The following IGF2BP2 variants were observed in gnomAD, a reference collection of about 807,000 sequenced individuals.
IGF2BP2 encodes the protein insulin like growth factor 2 mRNA binding protein 2, also known as insulin-like growth factor 2 mRNA-binding protein 2.
A neutral mutation model predicts 75.8 loss-of-function variants in IGF2BP2; 17 were observed. That is an observed-to-expected ratio of 0.22 (90% confidence interval 0.15 to 0.34). The LOEUF is 0.34. IGF2BP2 is among the 10% of genes least tolerant of loss of function. The pLI, the probability that IGF2BP2 is intolerant of heterozygous loss-of-function variation, is 1.00. For missense variants in IGF2BP2, 516 were observed against 772.4 expected, an observed-to-expected ratio of 0.67 and a Z score of 3.93; for synonymous variants, 288 against 295.6, an observed-to-expected ratio of 0.97 and a Z score of 0.26.
chr3:185,717,385 C>T (rs933023296), intron 2 of IGF2BP2: 1 of 153,422 alleles, frequency 6.5e-6, no homozygotes, highest in African/African-American at 2.4e-5. Flanking sequence ...ACAGATGCCT[C>T]TTCCTCCCAT....
At chr3:185,654,889 T>C (rs376254322) in intron 12 of IGF2BP2, among the ~76,000 whole-genome samples, 1 of 152,198 alleles carries the variant, frequency 6.6e-6, no homozygotes, top group South Asian at 2.1e-4. Flanking sequence ...TTGGAGTGCA[T>C]CACCCAGATC....
intron 2 of IGF2BP2, among the ~76,000 whole-genome samples, chr3:185,789,574 T>C (rs1437761040): frequency 1.3e-5 from 2 of 151,918 alleles, no homozygotes; most frequent in African/African-American, 4.8e-5. Context: ...CGGAGCCACA[T>C]AGGGCACACA....
intron 12 of IGF2BP2, 76 bp from the exon 13 acceptor site, chr3:185,652,244 C>G (rs1714724983): frequency 8.0e-7 from 1 of 1,245,968 alleles, no homozygotes; most frequent in Admixed American, 2.1e-5. Flanking sequence ...AAGTGGACGG[C>G]AAGCATACCA....
intron 14 of IGF2BP2, among the ~76,000 whole-genome samples, chr3:185,649,034 T>C (rs1286851106): frequency 6.7e-6 from 1 of 150,340 alleles, no homozygotes; most frequent in Admixed American, 6.6e-5. Context: ...CCTTTCCAAT[T>C]TTAATGGCTG....
intron 2 of IGF2BP2, among the ~76,000 whole-genome samples, chr3:185,749,095 C>CAG (rs1404783832): frequency 6.6e-6 from 1 of 151,750 alleles, no homozygotes; most frequent in Non-Finnish European, 1.5e-5. Flanking sequence ...ACCTGGGAGG[C>CAG]AGAGGTTGCA....
intron 2 of IGF2BP2, among the ~76,000 whole-genome samples, chr3:185,779,356 C>T (rs1049110414): frequency 4.6e-5 from 7 of 152,144 alleles, no homozygotes; most frequent in Non-Finnish European, 1.0e-4. Flanking sequence ...AGATCTACAG[C>T]ACCCTTCACC....
intron 2 of IGF2BP2, among the ~76,000 whole-genome samples, chr3:185,707,294 G>GTTTT (rs1724170140): frequency 9.8e-6 from 1 of 101,674 alleles, no homozygotes; most frequent in Non-Finnish European, 2.0e-5. Flanking sequence ...TAACGAAGGG[G>GTTTT]CTTTTTTTTT....
chr3:185,649,100 G>A (rs981269826), intron 14 of IGF2BP2, among the ~76,000 whole-genome samples: 2 of 152,070 alleles, frequency 1.3e-5, no homozygotes, highest in African/African-American at 4.8e-5. Context: ...AGGGAGTGGA[G>A]GCCTTCACTG....
chr3:185,748,809 C>A (rs1306970940), intron 2 of IGF2BP2, among the ~76,000 whole-genome samples: 1 of 152,216 alleles, frequency 6.6e-6, no homozygotes, highest in Non-Finnish European at 1.5e-5. Flanking sequence ...TCTACAAGGT[C>A]CCCTTATCAG....
intron 2 of IGF2BP2, among the ~76,000 whole-genome samples, chr3:185,735,726 C>T (rs1032950232): frequency 6.6e-6 from 1 of 152,164 alleles, no homozygotes; most frequent in Admixed American, 6.5e-5. Context: ...CACTAAATAG[C>T]ATCTCCTAAT....
At chr3:185,665,335 G>GAGA (rs1717227885) in intron 10 of IGF2BP2, among the ~76,000 whole-genome samples, 1 of 129,862 alleles carries the variant, frequency 7.7e-6, no homozygotes, top group Non-Finnish European at 1.7e-5. Flanking sequence ...GGAGGAGGAG[G>GAGA]AGGAGGAGAA....
intron 7 of IGF2BP2, among the ~76,000 whole-genome samples, chr3:185,677,161 C>T (rs1350948582): frequency 6.7e-6 from 1 of 149,472 alleles, no homozygotes; most frequent in Non-Finnish European, 1.5e-5. Flanking sequence ...CAAGGCCCCA[C>T]CCGCTACATG....
intron 2 of IGF2BP2, among the ~76,000 whole-genome samples, chr3:185,775,131 AAAG>A (rs1734384822): frequency 6.6e-6 from 1 of 152,236 alleles, no homozygotes; most frequent in Admixed American, 6.5e-5. Context: ...TTTATTTGTA[AAAG>A]AATAATAACA....
intron 7 of IGF2BP2, among the ~76,000 whole-genome samples, chr3:185,681,877 T>C (rs888854802): frequency 6.6e-6 from 1 of 152,120 alleles, no homozygotes; most frequent in Non-Finnish European, 1.5e-5. Flanking sequence ...AAGAATGAAG[T>C]TGAACCATTA....
chr3:185,677,689 CAAG>C (rs572141491), intron 7 of IGF2BP2, among the ~76,000 whole-genome samples: 32 of 152,250 alleles, frequency 2.1e-4, no homozygotes, highest in Non-Finnish European at 4.0e-4. Flanking sequence ...ATGAACTAAA[CAAG>C]AACACAGACA....
intron 13 of IGF2BP2, 52 bp from the exon 14 acceptor site, chr3:185,649,586 C>T: frequency 6.2e-7 from 1 of 1,607,952 alleles, no homozygotes; most frequent in Non-Finnish European, 8.5e-7. Context: ...CAGCCGGCCA[C>T]TTCATCAGTG....
At chr3:185,816,429 G>A (rs1740616466) in intron 2 of IGF2BP2, among the ~76,000 whole-genome samples, 1 of 152,174 alleles carries the variant, frequency 6.6e-6, no homozygotes, top group Non-Finnish European at 1.5e-5. Context: ...CACTCAGACT[G>A]ATGTAGCATC....
chr3:185,711,558 T>C (rs952777804), intron 2 of IGF2BP2, among the ~76,000 whole-genome samples: 1 of 152,188 alleles, frequency 6.6e-6, no homozygotes, highest in African/African-American at 2.4e-5. Flanking sequence ...GACAGCACCA[T>C]TAGCTGAGCA....
intron 2 of IGF2BP2, among the ~76,000 whole-genome samples, chr3:185,801,866 G>A (rs971674892): frequency 6.6e-6 from 1 of 152,044 alleles, no homozygotes; most frequent in African/African-American, 2.4e-5. Flanking sequence ...ATCCTTTGCA[G>A]GGACATGGAT....
Sources: allele counts gnomAD v4.1 joint callset (sites outside exome capture counted in the v4.1 genomes callset), GRCh38; gene constraint gnomAD v4.1.1; transcripts MANE v1.5; gene names NCBI Gene and HGNC (gene_info 2026-07-23, HGNC 2026-07-21).